THADA: variants seen among roughly 807,000 people sequenced by gnomAD.
THADA encodes tRNA (32-2'-O)-methyltransferase regulator THADA.
A neutral mutation model predicts 219.8 loss-of-function variants in THADA; 213 were observed. That is an observed-to-expected ratio of 0.97 (90% CI 0.87 to 1.09). The LOEUF is 1.09. THADA is among the 50% of genes least tolerant of loss of function. The pLI is 0.00. For synonymous variants in THADA, 1,018 were observed against 828.9 expected (o/e 1.23, Z -3.92); for missense variants, 2,956 against 2,311.3 (o/e 1.28, Z -5.72).
intron 30 of THADA, among the ~76,000 whole-genome samples, chr2:43,326,438 G>A (rs777776531): frequency 6.6e-6 from 1 of 152,154 alleles, no homozygotes; most frequent in African/African-American, 2.4e-5. Context: ...CAATGGTATG[G>A]GGGGCGGGAA....
In THADA at chr2:43,577,069, C is replaced by T. The variant is rs765575282; in HGVS notation, c.990G>A (p.Glu330=). 14 of 1,613,570 alleles carry T rather than the reference C, an allele frequency of 8.7e-6. 1 individual carries two copies. The South Asian group carries it at 1.4e-4, about 16-fold the overall frequency. ...CATGTGCAGTATCCAAGAGCAGGGC[C>T]TCCCCACTCCGACCCATGCTTCCGT... is the stretch of plus-strand genomic sequence containing the variant. ...WQNGSMGRSG[E]ALLLDTAHVL... Residue 330 remains glutamate, a synonymous_variant, in exon 10 of 38, where the codon GAG becomes GAA. Transcript: ENST00000405975.
intron 36 of THADA, among the ~76,000 whole-genome samples, chr2:43,237,436 C>T (rs1668161002): frequency 7.3e-6 from 1 of 136,738 alleles, no homozygotes; most frequent in Non-Finnish European, 1.5e-5. Flanking sequence ...GTCTGTCTGT[C>T]ACCCAGGCTG....
chr2:43,261,462 G>T (rs1439727665), intron 36 of THADA, among the ~76,000 whole-genome samples: 1 of 151,072 alleles, frequency 6.6e-6, no homozygotes, highest in Non-Finnish European at 1.5e-5. Flanking sequence ...TTGAGACAGA[G>T]TCTTGCTCTG....
chr2:43,448,285 C>T (rs991168161), intron 26 of THADA, among the ~76,000 whole-genome samples: 2 of 152,190 alleles, frequency 1.3e-5, no homozygotes, highest in African/African-American at 2.4e-5. Flanking sequence ...GTTTCAGCTC[C>T]TAGAACTGTA....
At chr2:43,237,397 A>T (rs1270690333) in intron 36 of THADA, among the ~76,000 whole-genome samples, 3 of 132,262 alleles carry the variant, frequency 2.3e-5, no homozygotes, top group South Asian at 2.4e-4. Context: ...AACTCATTTG[A>T]TTTTTTTTTT....
At chr2:43,296,700 G>A (rs982275522) in intron 31 of THADA, among the ~76,000 whole-genome samples, 1 of 152,192 alleles carries the variant, frequency 6.6e-6, no homozygotes, top group Non-Finnish European at 1.5e-5. Flanking sequence ...TAAGAGCACA[G>A]TACTATCATC....
At chr2:43,469,677 C>A (rs78308104) in intron 26 of THADA, among the ~76,000 whole-genome samples, 2,346 of 151,904 alleles carry the variant, frequency 0.015, 27 homozygotes, top group Non-Finnish European at 0.027. Context: ...CTCAAAAAAT[C>A]CAAAAAAACA....
At chr2:43,290,182 G>C (rs1310548824) in intron 34 of THADA, among the ~76,000 whole-genome samples, 1 of 151,648 alleles carries the variant, frequency 6.6e-6, no homozygotes, top group Non-Finnish European at 1.5e-5. Context: ...CTGTTGGTCA[G>C]GCTAGTCTCA....
At chr2:43,272,163 G>A (rs978032098) in intron 36 of THADA, among the ~76,000 whole-genome samples, 1 of 152,186 alleles carries the variant, frequency 6.6e-6, no homozygotes, top group Non-Finnish European at 1.5e-5. Flanking sequence ...CCCTGAGGTT[G>A]GAATGGGCTC....
intron 30 of THADA, among the ~76,000 whole-genome samples, chr2:43,323,331 G>C (rs950309523): frequency 6.6e-6 from 1 of 152,082 alleles, no homozygotes; most frequent in African/African-American, 2.4e-5. Context: ...TTTTTGTAGA[G>C]ATGGGGTCTT....
chr2:43,291,592 C>G (rs1254451641), intron 34 of THADA, 104 bp downstream of exon 34: 3 of 687,026 alleles, frequency 4.4e-6, no homozygotes, highest in African/African-American at 3.7e-5. Flanking sequence ...ATACACATAT[C>G]ACAGGGGTTC....
intron 29 of THADA, 69 bp downstream of exon 29, chr2:43,397,902 A>G: frequency 6.6e-7 from 1 of 1,514,904 alleles, no homozygotes; most frequent in Non-Finnish European, 9.1e-7. Context: ...TCACCAGCTA[A>G]CAGTACATAA....
intron 18 of THADA, 45 bp from the exon 19 acceptor site, chr2:43,551,970 A>G (rs751096093): frequency 5.1e-5 from 81 of 1,581,258 alleles, no homozygotes; most frequent in Non-Finnish European, 6.6e-5. Context: ...AGCAAAAATC[A>G]CATTTTAAAA....
rs1280334487 is a variant in THADA at position 43,430,395 on chromosome 2, T to A, written c.3837-93A>T. On this transcript the variant is annotated intron_variant, in intron 26 of 37. Transcript: ENST00000405975. ...TTAAAAAAAGGAAGATAAGTACGGT[T>A]GTTTGGATATTTAATTAAATACAGT... 6 of 648,530 alleles carry A rather than the reference T, an allele frequency of 9.3e-6. No individual in the cohort carries two copies. The East Asian group carries it at 1.4e-4, about 15-fold the overall frequency. 40.2% of individuals were successfully genotyped at this position (648,530 alleles called of 1,614,324 possible). A position where few individuals can be genotyped will look rare whatever the true frequency, so the allele number is the denominator to read the frequency against.
intron 26 of THADA, among the ~76,000 whole-genome samples, chr2:43,443,403 T>G (rs1164491384): frequency 6.6e-6 from 1 of 152,224 alleles, no homozygotes; most frequent in Admixed American, 6.5e-5. Context: ...TGAAATGTTC[T>G]TAAACACAAA....
At chr2:43,581,184 A>G (rs568601499) in intron 8 of THADA, among the ~76,000 whole-genome samples, 2 of 152,246 alleles carry the variant, frequency 1.3e-5, no homozygotes, top group African/African-American at 4.8e-5. Flanking sequence ...AGCTTAATAA[A>G]TTATTAAAAA....
chr2:43,430,357 TAA>T (rs1679078705), intron 26 of THADA, 55 bp from the exon 27 acceptor site: 4 of 1,004,936 alleles, frequency 4.0e-6, no homozygotes, highest in Non-Finnish European at 5.9e-6. Flanking sequence ...GATCTGACAA[TAA>T]AGCCTTTTTT....
At chr2:43,540,471 T>C (rs1226024946) in intron 21 of THADA, among the ~76,000 whole-genome samples, 1 of 152,234 alleles carries the variant, frequency 6.6e-6, no homozygotes, top group African/African-American at 2.4e-5. Flanking sequence ...AGGGAAAAAG[T>C]TGCCTTTATT....
At chr2:43,395,762 T>C (rs79783369) in intron 29 of THADA, among the ~76,000 whole-genome samples, 2 of 152,234 alleles carry the variant, frequency 1.3e-5, no homozygotes, top group Non-Finnish European at 2.9e-5. Flanking sequence ...TTTACTTTTT[T>C]CTTTTTTGAG....
Sources: allele counts gnomAD v4.1 joint callset (sites outside exome capture counted in the v4.1 genomes callset), GRCh38; gene constraint gnomAD v4.1.1; transcripts MANE v1.5; gene names NCBI Gene and HGNC (gene_info 2026-07-23, HGNC 2026-07-21).